ADGRG1: variants seen among roughly 807,000 people sequenced by gnomAD.
ADGRG1 encodes the protein adhesion G protein-coupled receptor G1.
In ADGRG1, 53 loss-of-function variants were observed where a neutral mutation model predicts 73.5. The observed-to-expected ratio is 0.72, with a 90% CI of 0.58 to 0.91. The LOEUF is 0.91. Ranked by LOEUF, ADGRG1 falls within the 40% of genes least tolerant of loss-of-function variation. The pLI is 0.00. For synonymous variants in ADGRG1, 394 were observed against 374.4 expected (o/e 1.05, Z -0.60); for missense variants, 795 against 871.8 (o/e 0.91, Z 1.11).
At chr16:57,626,173 G>C (rs1041230651), upstream of ADGRG1, among the ~76,000 whole-genome samples, 3 of 152,180 alleles carry the variant, frequency 2.0e-5, no homozygotes, top group Non-Finnish European at 4.4e-5. Context: ...GGTCCAAGCT[G>C]TGCGACCTTG....
At chr16:57,653,175 G>C in intron 3 of ADGRG1, 28 bp from the exon 4 acceptor site, 2 of 1,603,466 alleles carry the variant, frequency 1.2e-6, no homozygotes, top group Non-Finnish European at 8.5e-7. Flanking sequence ...CGGCAGCCTC[G>C]GCGGGGGCCT....
chr16:57,648,520 C>T (rs1162414370), intron 1 of ADGRG1: 2 of 967,990 alleles, frequency 2.1e-6, no homozygotes, highest in East Asian at 1.1e-4. Flanking sequence ...GGCTCTCAGT[C>T]GAAGGGGCCA....
At chr16:57,650,530 C>A in intron 2 of ADGRG1, 179 bp downstream of exon 2, 1 of 543,676 alleles carries the variant, frequency 1.8e-6, no homozygotes, top group Non-Finnish European at 2.3e-6. Context: ...CCCTGCAGTG[C>A]ACAGCTTAGG....
rs113158560 is a variant in ADGRG1, at chr16:57,633,536, G to A, written c.-36+4734G>A. 1.8e-3 allele frequency: 1,786 copies of A among 984,698 alleles called. 26 individuals are homozygous for A. The African/African-American group carries it at 0.029, about 16-fold the overall frequency. 61.0% of individuals were successfully genotyped at this position (984,698 alleles called of 1,614,324 possible). A position where few individuals can be genotyped will look rare whatever the true frequency, so the allele number is the denominator to read the frequency against. On this transcript the variant is annotated intron_variant, in intron 1 of 13. Coordinates refer to ENST00000562631, the MANE Select transcript of ADGRG1 (RefSeq NM_201525.4). The stretch of plus-strand genomic sequence containing the variant: ...CCCCCTAGGAGAGGCAGCACGAGGT[G>A]GGCTGTTAGGGGTGTGGGCTCTGGG...
intron 1 of ADGRG1, chr16:57,635,570 ATTGCGATCTAGGAAGGACGGTAGTGT>A: frequency 1.0e-6 from 1 of 985,330 alleles, no homozygotes; most frequent in Non-Finnish European, 1.2e-6. Flanking sequence ...ACCTTTAGTG[ATTGCGATCTAGGAAGGACGGTAGTGT>A]TTGCAAACCA....
intron 9 of ADGRG1, 44 bp from the exon 10 acceptor site, chr16:57,657,329 G>C (rs752239182): frequency 6.2e-7 from 1 of 1,613,314 alleles, no homozygotes; most frequent in South Asian, 1.1e-5. Flanking sequence ...TCCAGGTTGT[G>C]TGGGGGACAC....
intron 1 of ADGRG1, among the ~76,000 whole-genome samples, chr16:57,644,775 CAT>C (rs766104957): frequency 2.4e-3 from 357 of 145,848 alleles, no homozygotes; most frequent in African/African-American, 8.1e-3. Flanking sequence ...TGCACACACA[CAT>C]ATGCACACTC....
chr16:57,644,849 GGCACACACACCCAT>G (rs1567722467), intron 1 of ADGRG1, among the ~76,000 whole-genome samples: 1 of 124,150 alleles, frequency 8.1e-6, no homozygotes, highest in Non-Finnish European at 1.6e-5. Context: ...ACTCATGCAG[GGCACACACACCCAT>G]GCACACACAC....
intron 1 of ADGRG1, chr16:57,642,024 A>G: frequency 1.1e-6 from 1 of 922,506 alleles, no homozygotes. Context: ...AGTAGCTGGT[A>G]CTACAGGCAA....
At chr16:57,629,774 T>C (rs566755887) in intron 1 of ADGRG1, among the ~76,000 whole-genome samples, 6 of 152,264 alleles carry the variant, frequency 3.9e-5, no homozygotes, top group African/African-American at 1.4e-4. Context: ...CTGGCACTGA[T>C]AGGACTTCCC....
At chr16:57,653,917 T>C in intron 4 of ADGRG1, 69 bp from the exon 5 acceptor site, 1 of 1,609,140 alleles carries the variant, frequency 6.2e-7, no homozygotes, top group East Asian at 2.2e-5. Context: ...TCTCTCGTCC[T>C]CCTGCCTCAG....
chr16:57,635,133 C>A, intron 1 of ADGRG1: 1 of 985,298 alleles, frequency 1.0e-6, no homozygotes, highest in South Asian at 4.7e-5. Context: ...GGACCCCTTG[C>A]TCTCCCTTAT....
intron 2 of ADGRG1, among the ~76,000 whole-genome samples, chr16:57,650,695 G>A (rs937713980): frequency 4.1e-5 from 6 of 144,658 alleles, no homozygotes; most frequent in South Asian, 4.3e-4. Context: ...ATTACTATTC[G>A]TTTTCAGTTT....
At position 57,631,050 on chromosome 16, in the gene ADGRG1, G is replaced by A. The variant is rs372723649; in HGVS notation, c.-36+2248G>A. ...GCCCAGGCTGCAAACCCAGCAGGAC[G>A]GGGAGGGCCAGGATGGGTGTTCAGT... On this transcript the variant is annotated intron_variant, in intron 1 of 13. Coordinates refer to ENST00000562631, the MANE Select transcript of ADGRG1 (RefSeq NM_201525.4). 1.0e-4 allele frequency: 99 copies of A among 985,808 alleles called. No homozygotes were observed. In the South Asian group the frequency reaches 2.5e-3, roughly 25 times the overall value. 61.1% of individuals were successfully genotyped at this position (985,808 alleles called of 1,614,324 possible).
intron 1 of ADGRG1, chr16:57,634,896 C>G (rs1441199116): frequency 1.2e-5 from 11 of 931,754 alleles, no homozygotes; most frequent in Non-Finnish European, 5.1e-6. Flanking sequence ...GTGCCTCTAT[C>G]TAGAAACCCT....
At chr16:57,630,082 G>A (rs2037339379) in intron 1 of ADGRG1, 1 of 848,292 alleles carries the variant, frequency 1.2e-6, no homozygotes, top group Non-Finnish European at 1.4e-6. Flanking sequence ...AGCGCTTACT[G>A]TGCACTCTGT....
intron 1 of ADGRG1, chr16:57,644,934 C>A (rs2042162888): frequency 3.7e-6 from 1 of 272,698 alleles, no homozygotes. Context: ...CACACACACT[C>A]ATGCACGGGC....
chr16:57,646,907 G>A, intron 1 of ADGRG1: 1 of 983,994 alleles, frequency 1.0e-6, no homozygotes, highest in Non-Finnish European at 1.2e-6. Context: ...CTGGCTCTGT[G>A]TGAGCAGAGG....
chr16:57,639,733 G>A, intron 1 of ADGRG1: 1 of 888,162 alleles, frequency 1.1e-6, no homozygotes, highest in Non-Finnish European at 1.3e-6. Flanking sequence ...CCCTCTCCCT[G>A]CTCCCCGCTT....
Sources: allele counts gnomAD v4.1 joint callset (sites outside exome capture counted in the v4.1 genomes callset), GRCh38; gene constraint gnomAD v4.1.1; transcripts MANE v1.5; gene names NCBI Gene and HGNC (gene_info 2026-07-23, HGNC 2026-07-21).